C3orf33: variants seen among roughly 807,000 people sequenced by gnomAD.
C3orf33 encodes AP-1 activity suppressor.
C3orf33 carries 23 observed loss-of-function variants against 28.7 expected under a neutral mutation model. That is an observed-to-expected ratio of 0.80 (90% CI 0.58 to 1.13). The LOEUF (loss-of-function observed/expected upper bound fraction) is 1.13, where lower values mean the gene tolerates loss of function less well. Ranked by LOEUF, C3orf33 falls within the 50% of genes most tolerant of loss-of-function variation. The pLI, the probability that C3orf33 is intolerant of heterozygous loss-of-function variation, is 0.00. For missense variants in C3orf33, 327 were observed against 353.4 expected (o/e 0.93, Z 0.60); for synonymous variants, 119 against 120.5 (o/e 0.99, Z 0.08).
chr3:155,771,749 C>T (rs1204455335), intron 3 of C3orf33, among the ~76,000 whole-genome samples: 2 of 152,058 alleles, frequency 1.3e-5, no homozygotes, highest in African/African-American at 2.4e-5. Context: ...GACGTGAATC[C>T]CTCTATCTTC....
Position 155,793,929 on chromosome 3 carries a change from G to GT in C3orf33, c.174+8602dup, listed in dbSNP as rs901170924. On this transcript the variant is annotated intron_variant, in intron 2 of 4. Transcript: ENST00000340171. ...TTAAAAGTCAGAGACAAAGTATAGA[G>GT]TTTTTTTATTAATTTTGTCTTTGCT... Among the ~76,000 whole-genome samples, 38 of 151,480 alleles carry GT rather than the reference G, an allele frequency of 2.5e-4. No individual in the cohort carries two copies. The South Asian group carries it at 2.7e-3, about 11-fold the overall frequency.
intron 2 of C3orf33, among the ~76,000 whole-genome samples, chr3:155,783,990 G>A (rs1031758590): frequency 1.1e-4 from 16 of 151,132 alleles, no homozygotes; most frequent in African/African-American, 3.9e-4. Flanking sequence ...GGAGTGCAAT[G>A]GCACAGTCTT....
At chr3:155,790,856 C>T (rs1409473049) in intron 2 of C3orf33, among the ~76,000 whole-genome samples, 1 of 152,184 alleles carries the variant, frequency 6.6e-6, no homozygotes, top group South Asian at 2.1e-4. Context: ...ATAATGTATT[C>T]TGGGGTCCTA....
chr3:155,802,567 C>T lies in C3orf33; in HGVS notation c.139G>A (p.Ala47Thr), dbSNP rs9853408. 34,257 of 1,601,228 alleles carry T rather than the reference C, an allele frequency of 0.021. 1,563 individuals carry two copies. The highest frequency in any genetic ancestry group is 0.19 in the African/African-American group (13,780 of 74,012). Residue 47 changes from alanine to threonine, a missense_variant, in exon 2 of 5, where the codon GCT (alanine) becomes ACT (threonine). Ala to Thr is a moderately conservative substitution (Grantham distance 58). Transcript: ENST00000340171. ...CTTCTCAAAAGTAACATTATTCCAGCTATGGCCATTCCAGTGCTGATGTTC... is the reference window on the plus strand; with the variant it reads ...CTTCTCAAAAGTAACATTATTCCAGTTATGGCCATTCCAGTGCTGATGTTC... ...VRNISTGMAI[A>T]GIMLLLRSIR...
At chr3:155,773,893 A>G (rs533074099) in intron 3 of C3orf33, among the ~76,000 whole-genome samples, 2 of 152,330 alleles carry the variant, frequency 1.3e-5, no homozygotes, top group African/African-American at 4.8e-5. Flanking sequence ...ATCCTTGGTA[A>G]TCTCTCTTCA....
At chr3:155,778,980 G>A (rs1021942904) in intron 2 of C3orf33, among the ~76,000 whole-genome samples, 1 of 152,122 alleles carries the variant, frequency 6.6e-6, no homozygotes, top group Admixed American at 6.5e-5. Context: ...CCAGAATAAT[G>A]AACTAAATTG....
At chr3:155,764,619 G>A (rs1245726268) in intron 4 of C3orf33, among the ~76,000 whole-genome samples, 1 of 151,724 alleles carries the variant, frequency 6.6e-6, no homozygotes. Flanking sequence ...TTGGGAGGCC[G>A]AGGCGGGCAG....
At chr3:155,783,948 T>C (rs1449252363) in intron 2 of C3orf33, among the ~76,000 whole-genome samples, 1 of 151,796 alleles carries the variant, frequency 6.6e-6, no homozygotes, top group Non-Finnish European at 1.5e-5. Context: ...TTGTTTTTTT[T>C]GAGACAGAGT....
intron 2 of C3orf33, among the ~76,000 whole-genome samples, chr3:155,787,010 C>T (rs1321071249): frequency 6.6e-6 from 1 of 152,152 alleles, no homozygotes. Flanking sequence ...TAAAAGGGGA[C>T]TAACACCAAT....
chr3:155,805,066 C>A (rs1243985959), intron 1 of C3orf33, among the ~76,000 whole-genome samples: 1 of 152,014 alleles, frequency 6.6e-6, no homozygotes, highest in African/African-American at 2.4e-5. Flanking sequence ...ATTCATATCA[C>A]CACAATTCTG....
At chr3:155,775,508 G>A (rs572643774) in intron 3 of C3orf33, among the ~76,000 whole-genome samples, 193 bp downstream of exon 3, 88 of 148,812 alleles carry the variant, frequency 5.9e-4, no homozygotes, top group Middle Eastern at 3.5e-3. Context: ...AAAAAGGAAC[G>A]AAAGAAGAAA....
At chr3:155,776,926 T>TG (rs1469868872) in intron 2 of C3orf33, among the ~76,000 whole-genome samples, 1 of 151,684 alleles carries the variant, frequency 6.6e-6, no homozygotes, top group East Asian at 1.9e-4. Context: ...TCAATGGCAT[T>TG]GGAAAAAAAG....
In C3orf33 at chr3:155,787,963, G is replaced by A. The variant is rs556449273; in HGVS notation, c.175-12115C>T. 4.0e-3 allele frequency among the ~76,000 whole-genome samples: 603 copies of A among 150,950 alleles called. 1 individual carries two copies. Among genetic ancestry groups the A allele is most frequent in the African/African-American group, 0.014 (578 of 41,228 alleles). ...TCCCAGCACTTTGGGAGGCCGAGGC[G>A]GGCGGATCATGAGGTCAGCAGATCA... On this transcript the variant is annotated intron_variant, in intron 2 of 4. Transcript: ENST00000340171.
intron 2 of C3orf33, among the ~76,000 whole-genome samples, chr3:155,776,885 A>G (rs538279715): frequency 4.6e-5 from 7 of 152,140 alleles, no homozygotes; most frequent in African/African-American, 1.2e-4. Context: ...GGAATATACT[A>G]TAGAATAAAT....
At chr3:155,767,424 T>C in intron 4 of C3orf33, 85 bp downstream of exon 4, 1 of 1,071,712 alleles carries the variant, frequency 9.3e-7, no homozygotes, top group Non-Finnish European at 1.2e-6. Context: ...TCCCATTATA[T>C]ATCCAAAGTT....
intron 2 of C3orf33, among the ~76,000 whole-genome samples, chr3:155,798,110 T>G (rs1467221309): frequency 2.0e-5 from 3 of 147,806 alleles, no homozygotes; most frequent in Non-Finnish European, 4.5e-5. Flanking sequence ...ACTAATGAAA[T>G]AAATTGAAAA....
At chr3:155,776,379 C>T (rs1010012425) in intron 2 of C3orf33, among the ~76,000 whole-genome samples, 1 of 152,070 alleles carries the variant, frequency 6.6e-6, no homozygotes, top group South Asian at 2.1e-4. Flanking sequence ...TACTACAATC[C>T]CTAACACTTA....
In C3orf33 at chr3:155,763,728, T is replaced by C. The variant is rs1483563733; in HGVS notation, c.674A>G (p.Tyr225Cys). ...CCAGGAATCTTTGAATTTTTCTAAG[T>C]AACTTTCTTTTTCAGAGTCTTCCTT... is the stretch of plus-strand genomic sequence containing the variant. ...IWKEDSEKES[Y>C]LEKFKDSWRE... The change falls in exon 5 of 5, where the codon TAC (tyrosine) becomes TGC (cysteine). Residue 225 changes from tyrosine (Y) to cysteine (C), a missense_variant. Tyr to Cys is a radical substitution (Grantham distance 194, BLOSUM62 -2). Coordinates refer to ENST00000340171, the MANE Select transcript of C3orf33 (RefSeq NM_001308229.2). 3 of 1,595,192 alleles carry C rather than the reference T, an allele frequency of 1.9e-6. No individual in the cohort carries two copies. Among genetic ancestry groups the C allele is most frequent in the Non-Finnish European group, 1.7e-6 (2 of 1,175,258 alleles).
chr3:155,769,877 G>A (rs1360432560), intron 3 of C3orf33, among the ~76,000 whole-genome samples: 2 of 152,172 alleles, frequency 1.3e-5, no homozygotes, highest in Non-Finnish European at 2.9e-5. Context: ...CTTATTTGGT[G>A]CTCTTTCCTC....
Sources: gnomAD v4.1 joint callset for allele counts (sites outside exome capture counted in the v4.1 genomes callset) on GRCh38, gnomAD v4.1.1 for gene constraint, MANE v1.5 for transcripts, NCBI Gene and HGNC (gene_info 2026-07-23, HGNC 2026-07-21) for gene names.